Variants in FAM161A observed in about 807,000 individuals in gnomAD.
The protein encoded by FAM161A is protein FAM161A.
Under a neutral mutation model 70.9 loss-of-function variants are expected in FAM161A, and 57 were observed. That is an observed-to-expected ratio of 0.80 (90% CI 0.65 to 1.00). The LOEUF (loss-of-function observed/expected upper bound fraction) is 1.00. Among genes scored for constraint, FAM161A ranks in the 50% least tolerant of loss-of-function variants. FAM161A has a pLI of 0.00. For missense variants in FAM161A, 880 were observed against 836.0 expected (o/e 1.05, Z -0.65); for synonymous variants, 299 against 295.7 (o/e 1.01, Z -0.12).
At chr2:61,818,963 A>G in the FAM161A span, among the ~76,000 whole-genome samples, 1 of 152,218 alleles carries the variant, frequency 6.6e-6, no homozygotes, top group Non-Finnish European at 1.5e-5. Flanking sequence ...ATAATGCAAC[A>G]AAGTGACATT....
intron 4 of FAM161A, 84 bp from the exon 5 acceptor site, chr2:61,836,193 T>G (rs1672768703): frequency 2.1e-6 from 2 of 966,144 alleles, no homozygotes; most frequent in Middle Eastern, 3.0e-4. Context: ...CTTATCAACT[T>G]GTACAAAGTC....
chr2:61,804,313 C>T, the FAM161A span, among the ~76,000 whole-genome samples: 1 of 152,162 alleles, frequency 6.6e-6, no homozygotes, highest in Admixed American at 6.6e-5. Context: ...GACCTTGTAT[C>T]TCATCCTGTG....
At chr2:61,831,117 A>C (rs1450565685) in intron 5 of FAM161A, among the ~76,000 whole-genome samples, 1 of 151,612 alleles carries the variant, frequency 6.6e-6, no homozygotes, top group African/African-American at 2.4e-5. Flanking sequence ...TTCTCAAAAA[A>C]AAAAAAAAAA....
rs142337109 is a variant in FAM161A, at chr2:61,842,377, A to C, written c.184-17T>G. The C allele has an allele frequency of 4.0e-5, 58 of 1,466,552 alleles. No individual in the cohort carries two copies. The Middle Eastern group carries it at 6.9e-4, about 17-fold the overall frequency. 90.8% of individuals were successfully genotyped at this position (1,466,552 alleles called of 1,614,324 possible). On this transcript the variant is annotated splice_polypyrimidine_tract_variant and intron_variant, in intron 1 of 6. Transcript: ENST00000404929. Reference sequence around the variant, plus strand: ...CAAATCAGCCTGGTGGGGAGAAAACACTTGATATATAGTGACTGGAGCTGA... The same window carrying C: ...CAAATCAGCCTGGTGGGGAGAAAACCCTTGATATATAGTGACTGGAGCTGA...
chr2:61,848,697 C>T (rs1379610993), intron 1 of FAM161A, among the ~76,000 whole-genome samples: 4 of 141,896 alleles, frequency 2.8e-5, no homozygotes, highest in African/African-American at 2.6e-5. Context: ...AAATTTTTTT[C>T]GCTGAATTTG....
At chr2:61,828,266 G>T in intron 5 of FAM161A, among the ~76,000 whole-genome samples, 1 of 133,946 alleles carries the variant, frequency 7.5e-6, no homozygotes, top group African/African-American at 2.8e-5. Flanking sequence ...ATACTTTTAT[G>T]ACTGTATAAA....
intron 5 of FAM161A, among the ~76,000 whole-genome samples, chr2:61,835,268 T>C (rs1192152040): frequency 6.6e-6 from 1 of 152,232 alleles, no homozygotes; most frequent in East Asian, 1.9e-4. Context: ...TGTTAAGCCA[T>C]GTCACCCATA....
intron 1 of FAM161A, among the ~76,000 whole-genome samples, chr2:61,849,771 G>A (rs1310603565): frequency 2.8e-5 from 4 of 142,020 alleles, no homozygotes; most frequent in Admixed American, 7.2e-5. Flanking sequence ...GTGACAGAGC[G>A]AGACTCCATC....
chr2:61,813,077 A>C, the FAM161A span, among the ~76,000 whole-genome samples: 4 of 152,036 alleles, frequency 2.6e-5, no homozygotes, highest in Admixed American at 6.6e-5. Context: ...GAAAAAAAAA[A>C]TGAATGCTTA....
the FAM161A span, among the ~76,000 whole-genome samples, chr2:61,809,399 C>A: frequency 1.1e-4 from 16 of 152,300 alleles, no homozygotes; most frequent in East Asian, 2.9e-3. Flanking sequence ...TTCAATGACT[C>A]CCAAATTGAG....
At chr2:61,815,533 G>GTT in the FAM161A span, among the ~76,000 whole-genome samples, 1 of 94,612 alleles carries the variant, frequency 1.1e-5, no homozygotes, top group East Asian at 3.6e-4. Context: ...TGAAAGATGT[G>GTT]TCTTTTTTTT....
intron 4 of FAM161A, 108 bp from the exon 5 acceptor site, chr2:61,836,217 A>G: frequency 1.2e-6 from 1 of 861,024 alleles, no homozygotes; most frequent in Non-Finnish European, 1.9e-6. Context: ...GAAAAAAAAG[A>G]AATAACATTT....
At chr2:61,846,198 C>T (rs891346254) in intron 1 of FAM161A, among the ~76,000 whole-genome samples, 6 of 151,204 alleles carry the variant, frequency 4.0e-5, no homozygotes, top group African/African-American at 9.7e-5. Flanking sequence ...TTAGCAAATG[C>T]GCAGGCTGGG....
At chr2:61,836,205 A>G (rs533078297) in intron 4 of FAM161A, 96 bp from the exon 5 acceptor site, 5 of 921,770 alleles carry the variant, frequency 5.4e-6, no homozygotes, top group East Asian at 2.4e-5. Context: ...TACAAAGTCA[A>G]TGAAAAAAAA....
chr2:61,835,687 A>G (rs1048461664), intron 5 of FAM161A: 3 of 215,128 alleles, frequency 1.4e-5, no homozygotes, highest in African/African-American at 6.9e-5. Context: ...CTTCATCAAA[A>G]AGATTCAATG....
intron 5 of FAM161A, among the ~76,000 whole-genome samples, chr2:61,831,635 T>TGAG (rs550816997): frequency 3.1e-4 from 47 of 152,352 alleles, no homozygotes; most frequent in African/African-American, 1.1e-3. Context: ...GTTTGAATCC[T>TGAG]GGTTCCCCTT....
chr2:61,834,030 A>G (rs1232707974), intron 5 of FAM161A, among the ~76,000 whole-genome samples: 1 of 152,074 alleles, frequency 6.6e-6, no homozygotes, highest in East Asian at 1.9e-4. Context: ...CTCTAAAAAT[A>G]TTTTTCTAAA....
rs192864749 is a variant in FAM161A, at chr2:61,840,258, T to C, written c.746A>G (p.Gln249Arg). Residue 249 changes from glutamine to arginine, a missense_variant, in exon 3 of 7, where the codon CAG becomes CGG. By Grantham distance (43) the Gln-to-Arg change is conservative. Coordinates refer to ENST00000404929, the MANE Select transcript of FAM161A (RefSeq NM_001201543.2). ...PEPFQMMIRE[Q>R]KKKEESMKSK... is the part of the protein sequence containing the mutation. ...TTTCATGGACTCTTCTTTTTTCTTCTGTTCTCTTATCATCATTTGAAAAGG... is the reference window on the plus strand; with the variant it reads ...TTTCATGGACTCTTCTTTTTTCTTCCGTTCTCTTATCATCATTTGAAAAGG... 1.5e-5 allele frequency: 25 copies of C among 1,614,110 alleles called. No individual in the cohort carries two copies. The highest frequency in any genetic ancestry group is 1.9e-5 in the Non-Finnish European group (23 of 1,180,018).
the FAM161A span, chr2:61,803,448 T>C: frequency 6.2e-6 from 4 of 644,568 alleles, no homozygotes; most frequent in Non-Finnish European, 1.1e-5. Context: ...AGGCCAGTGT[T>C]GGTGCTGGCA....
Sources: allele counts gnomAD v4.1 joint callset (sites outside exome capture counted in the v4.1 genomes callset), GRCh38; gene constraint gnomAD v4.1.1; transcripts MANE v1.5; gene names NCBI Gene and HGNC (gene_info 2026-07-23, HGNC 2026-07-21).